The following GAN variants were observed in gnomAD, a reference collection of about 807,000 sequenced individuals.
GAN encodes gigaxonin.
A neutral mutation model predicts 71.3 loss-of-function variants in GAN; 48 were observed. The observed-to-expected ratio is 0.67, with a 90% CI of 0.53 to 0.86. The LOEUF (loss-of-function observed/expected upper bound fraction) is 0.86. Ranked by LOEUF, GAN falls within the 40% of genes least tolerant of loss-of-function variation. The pLI, the probability that GAN is intolerant of heterozygous loss-of-function variation, is 0.00. For missense variants in GAN, 928 were observed against 770.1 expected (o/e 1.21, Z -2.43); for synonymous variants, 386 against 276.8 (o/e 1.39, Z -3.92).
chr16:81,375,548 A>G (rs1007612292), intron 9 of GAN, among the ~76,000 whole-genome samples: 2 of 151,574 alleles, frequency 1.3e-5, no homozygotes, highest in African/African-American at 4.8e-5. Context: ...CTGGTCTTGA[A>G]CTCCTGGGCT....
At chr16:81,336,108 G>A (rs915546774) in intron 1 of GAN, among the ~76,000 whole-genome samples, 1 of 152,204 alleles carries the variant, frequency 6.6e-6, no homozygotes, top group Admixed American at 6.5e-5. Context: ...AATCCTGTAG[G>A]AAGAGCACCT....
chr16:81,388,721 C>T lies in GAN; in HGVS notation c.*11125C>T, dbSNP rs1378885569. 6.6e-6 allele frequency: 1 copy of T among 152,336 alleles called. No individual in the cohort carries two copies. Among genetic ancestry groups the T allele is most frequent in the East Asian group, 1.9e-4 (1 of 5,190 alleles). 9.4% of individuals were successfully genotyped at this position (152,336 alleles called of 1,614,324 possible). On this transcript the variant is annotated 3_prime_UTR_variant, in exon 11 of 11. Transcript: ENST00000648994. ...GGTGGGGACCCTCCGTGTGGGTCCT[C>T]CTCTGTCCCTTTGCAGCTCGCATTC...
rs777556243 is a variant in GAN at position 81,377,574 on chromosome 16, G to A, written c.1772G>A (p.Arg591His). ...FRLQLQQGLF[R>H]IRVHSP Reference sequence around the variant, plus strand: ...CTGCAGCTTCAGCAAGGCTTATTCCGTATTCGTGTTCATTCCCCTTGAGGA... The same window carrying A: ...CTGCAGCTTCAGCAAGGCTTATTCCATATTCGTGTTCATTCCCCTTGAGGA... The change falls in exon 11 of 11, where the codon CGT becomes CAT. Residue 591 changes from arginine (R) to histidine (H), a missense_variant. Physicochemically the swap from Arg to His is conservative, Grantham distance 29. Coordinates refer to ENST00000648994, the MANE Select transcript of GAN (RefSeq NM_022041.4). The A allele has an allele frequency of 7.4e-6, 12 of 1,614,118 alleles. No homozygotes were observed. The highest frequency in any genetic ancestry group is 3.3e-5 in the South Asian group (3 of 91,082).
intron 1 of GAN, among the ~76,000 whole-genome samples, chr16:81,349,649 C>T (rs1326744613): frequency 6.6e-6 from 1 of 151,966 alleles, no homozygotes; most frequent in Non-Finnish European, 1.5e-5. Flanking sequence ...GTCTCAAAAA[C>T]AAAAATAAAA....
At chr16:81,365,555 T>C (rs1434997301) in intron 9 of GAN, 77 bp downstream of exon 9, 1 of 1,394,378 alleles carries the variant, frequency 7.2e-7, no homozygotes, top group Non-Finnish European at 1.0e-6. Context: ...TTGTTTAGTT[T>C]TGTTTTCAGT....
intron 1 of GAN, among the ~76,000 whole-genome samples, chr16:81,336,969 T>G (rs542421738): frequency 6.0e-4 from 91 of 152,202 alleles, no homozygotes; most frequent in African/African-American, 2.2e-3. Context: ...GTAGTTGACG[T>G]CAGGGTTCAC....
chr16:81,364,092 A>G, intron 7 of GAN, 149 bp downstream of exon 7: 1 of 731,028 alleles, frequency 1.4e-6, no homozygotes, highest in Non-Finnish European at 2.4e-6. Context: ...GTTTGCCTTC[A>G]CTGTCATCAG....
chr16:81,363,643 C>T (rs924830154), intron 6 of GAN, 151 bp from the exon 7 acceptor site: 5 of 760,256 alleles, frequency 6.6e-6, no homozygotes, highest in Non-Finnish European at 1.2e-5. Context: ...TGTTTCAGCC[C>T]TTGCTCCTCT....
At chr16:81,342,243 G>C (rs148845145) in intron 1 of GAN, among the ~76,000 whole-genome samples, 7 of 152,246 alleles carry the variant, frequency 4.6e-5, no homozygotes, top group Non-Finnish European at 1.0e-4. Flanking sequence ...AAATTAATAA[G>C]GGTATGCAGA....
intron 1 of GAN, among the ~76,000 whole-genome samples, chr16:81,336,548 C>T (rs145933583): frequency 1.3e-5 from 2 of 152,084 alleles, no homozygotes; most frequent in African/African-American, 2.4e-5. Flanking sequence ...ACTGTAGCCT[C>T]GACCTACTGG....
At chr16:81,354,297 C>G in intron 2 of GAN, 108 bp from the exon 3 acceptor site, 1 of 782,858 alleles carries the variant, frequency 1.3e-6, no homozygotes, top group Admixed American at 2.0e-5. Flanking sequence ...ATTCGATTAT[C>G]TTTGATCTAA....
chr16:81,335,941 C>T (rs905885622), intron 1 of GAN, among the ~76,000 whole-genome samples: 1 of 152,094 alleles, frequency 6.6e-6, no homozygotes, highest in African/African-American at 2.4e-5. Flanking sequence ...GTGGGTGCCC[C>T]ATGCGGGTTC....
Position 81,363,904 on chromosome 16 carries a change from A to G in GAN, c.1197A>G (p.Lys399=). Residue 399 remains lysine, a synonymous_variant, in exon 7 of 11, where the codon AAA becomes AAG. Transcript: ENST00000648994. The part of the protein sequence containing the change: ...ISMECYDIYS[K]TWTKQPDLTM... ...TGGAGTGTTACGATATTTATTCTAA[A>G]ACCTGGACAAAGCAACCTGATTTGA... 1 of 1,613,630 alleles carries G rather than the reference A, an allele frequency of 6.2e-7. No homozygotes were observed. Among genetic ancestry groups the G allele is most frequent in the Non-Finnish European group, 8.5e-7 (1 of 1,179,572 alleles).
chr16:81,380,487 T>C lies in GAN; in HGVS notation c.*2891T>C, dbSNP rs967420723. 1 of 152,290 alleles carries C rather than the reference T, an allele frequency of 6.6e-6. No individual in the cohort carries two copies. 9.4% of individuals were successfully genotyped at this position (152,290 alleles called of 1,614,324 possible). On this transcript the variant is annotated 3_prime_UTR_variant, in exon 11 of 11. Transcript: ENST00000648994. ...GATTTTTCAAAGATTTAAGTGTTTA[T>C]TGAAAGTGTTTTTTGTTTTGTTTTT...
intron 6 of GAN, 38 bp from the exon 7 acceptor site, chr16:81,363,756 T>C (rs1597406335): frequency 1.9e-6 from 3 of 1,602,926 alleles, no homozygotes; most frequent in East Asian, 4.5e-5. Context: ...ATATGATCAT[T>C]GGCCTTGTGT....
At chr16:81,362,063 G>C (rs1597405476) in intron 5 of GAN, among the ~76,000 whole-genome samples, 1 of 152,174 alleles carries the variant, frequency 6.6e-6, no homozygotes, top group East Asian at 1.9e-4. Flanking sequence ...CGGAAGTTCA[G>C]TTGCTCTTAG....
intron 1 of GAN, among the ~76,000 whole-genome samples, chr16:81,317,252 A>G (rs1369044902): frequency 6.6e-6 from 1 of 152,228 alleles, no homozygotes; most frequent in African/African-American, 2.4e-5. Context: ...TCTTTCTACC[A>G]CAGCAAATGT....
chr16:81,357,677 G>A (rs559823265), intron 4 of GAN, 133 bp from the exon 5 acceptor site: 45 of 840,238 alleles, frequency 5.4e-5, no homozygotes, highest in South Asian at 8.3e-5. Context: ...CTGAGGAATC[G>A]TCACACTGAC....
At chr16:81,338,797 A>G (rs1909849617) in intron 1 of GAN, among the ~76,000 whole-genome samples, 1 of 152,198 alleles carries the variant, frequency 6.6e-6, no homozygotes, top group Non-Finnish European at 1.5e-5. Context: ...CTGCTTCCGG[A>G]TAGATTTGAG....
Sources: allele counts gnomAD v4.1 joint callset (sites outside exome capture counted in the v4.1 genomes callset), GRCh38; gene constraint gnomAD v4.1.1; transcripts MANE v1.5; gene names NCBI Gene and HGNC (gene_info 2026-07-23, HGNC 2026-07-21).